Variants in GABRG3 observed in about 807,000 individuals in gnomAD.
The protein encoded by GABRG3 is gamma-aminobutyric acid type A receptor subunit gamma3, also known as gamma-aminobutyric acid receptor subunit gamma-3.
A neutral mutation model predicts 48.8 loss-of-function variants in GABRG3; 25 were observed. That is an observed-to-expected ratio of 0.51 (90% CI 0.37 to 0.72). The LOEUF (loss-of-function observed/expected upper bound fraction) is 0.72. Ranked by LOEUF, GABRG3 falls within the 30% of genes least tolerant of loss-of-function variation. The pLI is 0.00. For synonymous variants in GABRG3, 227 were observed against 217.6 expected (o/e 1.04, Z -0.38); for missense variants, 394 against 577.9 (o/e 0.68, Z 3.26).
chr15:27,027,579 CA>C (rs1896007588), intron 3 of GABRG3, among the ~76,000 whole-genome samples: 1 of 152,176 alleles, frequency 6.6e-6, no homozygotes. Flanking sequence ...ATAACCCCTC[CA>C]AAATTAGTAG....
intron 6 of GABRG3, among the ~76,000 whole-genome samples, chr15:27,510,123 G>A (rs2150858081): frequency 6.6e-6 from 1 of 152,228 alleles, no homozygotes; most frequent in Non-Finnish European, 1.5e-5. Context: ...ACTTTTCCCA[G>A]GGAACATCTG....
At chr15:27,023,233 A>G (rs567803994) in intron 2 of GABRG3, among the ~76,000 whole-genome samples, 113 of 151,974 alleles carry the variant, frequency 7.4e-4, no homozygotes, top group Non-Finnish European at 1.5e-3. Context: ...GCTCCCCACC[A>G]CCCCATTTCT....
chr15:27,044,892 C>T (rs984408409), intron 3 of GABRG3, among the ~76,000 whole-genome samples: 4 of 152,210 alleles, frequency 2.6e-5, no homozygotes, highest in Non-Finnish European at 5.9e-5. Context: ...GAAGCATACT[C>T]ATAAGTTAGC....
intron 5 of GABRG3, among the ~76,000 whole-genome samples, chr15:27,343,102 G>A (rs1566795446): frequency 2.0e-5 from 3 of 152,164 alleles, no homozygotes; most frequent in Admixed American, 6.5e-5. Context: ...TGCCCTTCGC[G>A]GTGGCTCATG....
At chr15:27,186,202 G>A (rs1033746708) in intron 3 of GABRG3, among the ~76,000 whole-genome samples, 1 of 151,834 alleles carries the variant, frequency 6.6e-6, no homozygotes, top group Admixed American at 6.6e-5. Context: ...AGTCCCCAGG[G>A]TCTATTGACC....
At chr15:27,425,232 G>T (rs1888254662) in intron 5 of GABRG3, among the ~76,000 whole-genome samples, 1 of 152,046 alleles carries the variant, frequency 6.6e-6, no homozygotes, top group African/African-American at 2.4e-5. Context: ...TGCATTTTTT[G>T]CTGTATAGAC....
chr15:27,414,476 T>A (rs1887885839), intron 5 of GABRG3, among the ~76,000 whole-genome samples: 1 of 152,150 alleles, frequency 6.6e-6, no homozygotes, highest in African/African-American at 2.4e-5. Context: ...AGTGGGAAGG[T>A]CCTGCTGCTT....
chr15:27,010,836 T>C (rs1479208432), intron 2 of GABRG3, among the ~76,000 whole-genome samples: 1 of 152,116 alleles, frequency 6.6e-6, no homozygotes, highest in African/African-American at 2.4e-5. Flanking sequence ...AGGTTGTTTT[T>C]GTTTGTTTGT....
intron 7 of GABRG3, among the ~76,000 whole-genome samples, chr15:27,520,761 G>A (rs190134115): frequency 5.9e-4 from 89 of 150,336 alleles, no homozygotes; most frequent in Admixed American, 1.0e-3. Flanking sequence ...TTGAAGGCAG[G>A]TAATATATAA....
chr15:27,503,224 TG>T (rs1890685006), intron 6 of GABRG3, among the ~76,000 whole-genome samples: 1 of 152,216 alleles, frequency 6.6e-6, no homozygotes, highest in South Asian at 2.1e-4. Flanking sequence ...CAAGGATTTC[TG>T]GAGTTGCATG....
At chr15:27,055,014 T>TGTTTGTTTGTTTG (rs1566922009) in intron 3 of GABRG3, among the ~76,000 whole-genome samples, 1 of 149,206 alleles carries the variant, frequency 6.7e-6, no homozygotes, top group African/African-American at 2.4e-5. Context: ...CTGTTTTTTT[T>TGTTTGTTTGTTTG]TTTTTTTTTT....
chr15:27,181,831 T>C (rs1350604244), intron 3 of GABRG3, among the ~76,000 whole-genome samples: 2 of 152,110 alleles, frequency 1.3e-5, no homozygotes, highest in Non-Finnish European at 2.9e-5. Context: ...CTGGGCTTTT[T>C]TTATTCCTGT....
At chr15:27,485,917 C>T (rs943998257) in intron 6 of GABRG3, among the ~76,000 whole-genome samples, 2 of 152,168 alleles carry the variant, frequency 1.3e-5, no homozygotes, top group African/African-American at 4.8e-5. Context: ...TGCTTCTCTC[C>T]TTTGTGTAAA....
chr15:27,504,310 C>G (rs150570230), intron 6 of GABRG3, among the ~76,000 whole-genome samples: 70 of 151,926 alleles, frequency 4.6e-4, no homozygotes, highest in African/African-American at 1.5e-3. Context: ...TACCTTCTTT[C>G]ATATTGATTG....
At chr15:27,389,220 G>A (rs1879537623) in intron 5 of GABRG3, among the ~76,000 whole-genome samples, 1 of 152,150 alleles carries the variant, frequency 6.6e-6, no homozygotes, top group Non-Finnish European at 1.5e-5. Context: ...ACGAATGAAA[G>A]CAACAGAAGC....
chr15:27,257,502 G>T (rs1224077677), intron 3 of GABRG3, among the ~76,000 whole-genome samples: 1 of 152,074 alleles, frequency 6.6e-6, no homozygotes, highest in East Asian at 1.9e-4. Flanking sequence ...AAGTTCTATA[G>T]TTTCAGGTTT....
chr15:27,046,488 C>T (rs554207456), intron 3 of GABRG3, among the ~76,000 whole-genome samples: 3 of 152,324 alleles, frequency 2.0e-5, no homozygotes, highest in South Asian at 2.1e-4. Context: ...AAGACAGCCA[C>T]GGGTCTTCCC....
chr15:27,016,022 A>G (rs1442106972), intron 2 of GABRG3, among the ~76,000 whole-genome samples: 1 of 152,178 alleles, frequency 6.6e-6, no homozygotes, highest in Non-Finnish European at 1.5e-5. Flanking sequence ...CTGTGTATGC[A>G]TTAACGTAGT....
chr15:27,336,255 A>AAAAGAAAG (rs150626796), intron 5 of GABRG3, among the ~76,000 whole-genome samples: 9,528 of 149,580 alleles, frequency 0.064, 658 homozygotes, highest in African/African-American at 0.17. Flanking sequence ...GAAAGAAAGA[A>AAAAGAAAG]AAAGAAAGAA....
Sources: gnomAD v4.1 joint callset for allele counts (sites outside exome capture counted in the v4.1 genomes callset) on GRCh38, gnomAD v4.1.1 for gene constraint, MANE v1.5 for transcripts, NCBI Gene and HGNC (gene_info 2026-07-23, HGNC 2026-07-21) for gene names.